Variants in ADGRL2 observed in about 807,000 individuals in gnomAD.
The protein encoded by ADGRL2 is calcium-independent alpha-latrotoxin receptor 2.
ADGRL2 carries 44 observed loss-of-function variants against 157.4 expected under a neutral mutation model. The observed-to-expected ratio is 0.28, with a 90% CI of 0.22 to 0.36. ADGRL2 has a LOEUF of 0.36. Among genes scored for constraint, ADGRL2 ranks in the 10% least tolerant of loss-of-function variants. The pLI is 1.00. For missense variants in ADGRL2, 1,510 were observed against 1,768.9 expected (o/e 0.85, Z 2.63); for synonymous variants, 585 against 624.7 (o/e 0.94, Z 0.95).
At chr1:81,798,011 A>T (rs1278516050), upstream of ADGRL2, among the ~76,000 whole-genome samples, 2 of 152,192 alleles carry the variant, frequency 1.3e-5, no homozygotes, top group Non-Finnish European at 2.9e-5. Flanking sequence ...ACTATTATGA[A>T]TAAGTCAATG....
Position 81,322,113 on chromosome 1 carries a change from CAT to C in ADGRL2, c.-302+15614_-302+15615del, listed in dbSNP as rs1345847160. Among the ~76,000 whole-genome samples, 11 of 112,118 alleles carry C rather than the reference CAT, an allele frequency of 9.8e-5. No homozygotes were observed. The East Asian group carries it at 2.0e-3, about 21-fold the overall frequency. The allele number at this position is 112,118 out of a possible 152,430, so 73.6% of individuals were successfully genotyped here. A position where few individuals can be genotyped will look rare whatever the true frequency, so the allele number is the denominator to read the frequency against. On this transcript the variant is annotated intron_variant, in intron 1 of 24. Transcript: ENST00000370721. The stretch of plus-strand genomic sequence containing the variant: ...ATATATATATATATATATATATACA[CAT>C]ATATATATACACACACACACGTACA...
intron 1 of ADGRL2, among the ~76,000 whole-genome samples, chr1:81,424,153 G>A (rs1421815603): frequency 6.6e-6 from 1 of 152,112 alleles, no homozygotes; most frequent in Non-Finnish European, 1.5e-5. Context: ...ACACACCAAC[G>A]TTTATGGAAA....
Position 81,442,657 on chromosome 1 carries a change from G to A in ADGRL2, c.-301-2379G>A, listed in dbSNP as rs116565774. On this transcript the variant is annotated intron_variant, in intron 1 of 24. Transcript: ENST00000370721. ...CCCTCACAGTAAAACATGGTACTCG[G>A]GAGCAAAATTCAGTATCAGTCAGAT... is the stretch of plus-strand genomic sequence containing the variant. Among the ~76,000 whole-genome samples the A allele has an allele frequency of 3.1e-3, 466 of 152,228 alleles. 3 individuals are homozygous for A. Among genetic ancestry groups the A allele is most frequent in the African/African-American group, 0.01 (436 of 41,542 alleles).
chr1:81,977,584 T>C (rs944930004), intron 17 of ADGRL2, among the ~76,000 whole-genome samples: 5 of 151,808 alleles, frequency 3.3e-5, no homozygotes, highest in African/African-American at 1.2e-4. Context: ...ACTCCTCTTC[T>C]TTTTGCAATA....
At chr1:81,635,365 G>T (rs1392525624) in intron 3 of ADGRL2, among the ~76,000 whole-genome samples, 1 of 152,168 alleles carries the variant, frequency 6.6e-6, no homozygotes, top group Non-Finnish European at 1.5e-5. Context: ...TCTAGCTTTT[G>T]CAGGTGCTCT....
rs1020239031 is a variant in ADGRL2 at position 81,993,813 on chromosome 1, C to G, written c.*2668C>G. ...AGTTTTCACATTCTTGATTGTTTCT[C>G]TTTGTGATAGTCACAACTGTGAACT... On this transcript the variant is annotated 3_prime_UTR_variant, in exon 24 of 24. Coordinates refer to ENST00000686636, the MANE Select transcript of ADGRL2 (RefSeq NM_001366006.2). Among the ~76,000 whole-genome samples the G allele has an allele frequency of 6.6e-6, 1 of 152,070 alleles. No homozygotes were observed. Among genetic ancestry groups the G allele is most frequent in the Non-Finnish European group, 1.5e-5 (1 of 68,024 alleles).
chr1:81,486,428 T>C lies in ADGRL2; in HGVS notation c.-248+41339T>C, dbSNP rs529543015. 8.4e-4 allele frequency among the ~76,000 whole-genome samples: 128 copies of C among 152,194 alleles called. 1 individual carries two copies. The highest frequency in any genetic ancestry group is 1.6e-3 in the Non-Finnish European group (109 of 68,034). On this transcript the variant is annotated intron_variant, in intron 2 of 24. Transcript: ENST00000370721. ...CAATCCAAAAGAGAATAGCAAAGCATTGACATCTTTGTACTAACTACTTTG... is the reference window on the plus strand; with the variant it reads ...CAATCCAAAAGAGAATAGCAAAGCACTGACATCTTTGTACTAACTACTTTG...
At chr1:81,984,249 A>G (rs867486587) in intron 19 of ADGRL2, 5 of 160,030 alleles carry the variant, frequency 3.1e-5, no homozygotes, top group Non-Finnish European at 5.4e-5. Flanking sequence ...TAGCATAAAA[A>G]ATTGGAGTTA....
intron 2 of ADGRL2, among the ~76,000 whole-genome samples, chr1:81,519,716 C>T (rs1038804244): frequency 2.0e-5 from 3 of 152,170 alleles, no homozygotes; most frequent in South Asian, 2.1e-4. Flanking sequence ...CACCCCATTA[C>T]ACAGATAATG....
At chr1:81,638,818 C>T (rs2082162179) in intron 3 of ADGRL2, among the ~76,000 whole-genome samples, 1 of 152,172 alleles carries the variant, frequency 6.6e-6, no homozygotes, top group South Asian at 2.1e-4. Flanking sequence ...AACCTGAGCA[C>T]ATAGCGAAAC....
In ADGRL2 at chr1:81,356,646, A is replaced by G. The variant is rs534412178; in HGVS notation, c.-302+50137A>G. Among the ~76,000 whole-genome samples the G allele has an allele frequency of 2.6e-5, 4 of 152,276 alleles. No homozygotes were observed. In the South Asian group the frequency reaches 8.3e-4, roughly 32 times the overall value. ...CAGTGGGATGTTTCTGTTTGTCTTC[A>G]GGAGAGCATTAAGAAGTTTCTTTTT... On this transcript the variant is annotated intron_variant, in intron 1 of 24. Transcript: ENST00000370721.
chr1:81,936,935 A>G (rs2095319223), intron 4 of ADGRL2, 98 bp downstream of exon 4: 3 of 743,538 alleles, frequency 4.0e-6, no homozygotes, highest in Non-Finnish European at 7.2e-6. Flanking sequence ...TATGGCCTAC[A>G]AAACCATTAT....
chr1:81,678,348 TA>T (rs2083038760), intron 3 of ADGRL2, among the ~76,000 whole-genome samples: 2 of 152,238 alleles, frequency 1.3e-5, no homozygotes, highest in South Asian at 4.1e-4. Context: ...AGTGGCCTTT[TA>T]TTTTTATAGT....
intron 1 of ADGRL2, among the ~76,000 whole-genome samples, chr1:81,356,952 C>CAAAAAAAAAAAAAAAAAAAAAAAAAA (rs757239865): frequency 5.4e-4 from 30 of 55,668 alleles, no homozygotes; most frequent in African/African-American, 1.8e-3. Context: ...GACTCCGTCT[C>CAAAAAAAAAAAAAAAAAAAAAAAAAA]AAAAAAAAAA....
chr1:81,467,264 C>T (rs192105302), intron 2 of ADGRL2, among the ~76,000 whole-genome samples: 7 of 152,174 alleles, frequency 4.6e-5, no homozygotes, highest in African/African-American at 1.7e-4. Context: ...GAAATATCTT[C>T]CTTGTGGATG....
intron 11 of ADGRL2, among the ~76,000 whole-genome samples, chr1:81,963,008 T>C (rs1655928132): frequency 6.6e-6 from 1 of 152,108 alleles, no homozygotes; most frequent in Non-Finnish European, 1.5e-5. Flanking sequence ...TAGATTGATT[T>C]TGAAAGAGGT....
chr1:81,846,984 G>T (rs1262842250), intron 2 of ADGRL2, among the ~76,000 whole-genome samples: 1 of 122,578 alleles, frequency 8.2e-6, no homozygotes, highest in Non-Finnish European at 1.9e-5. Flanking sequence ...AAAGTGTTTT[G>T]TTGTTTTTTT....
At chr1:81,707,036 A>C (rs1257394614) in intron 1 of ADGRL2, among the ~76,000 whole-genome samples, 1 of 152,172 alleles carries the variant, frequency 6.6e-6, no homozygotes, top group Non-Finnish European at 1.5e-5. Flanking sequence ...GGACTACCTC[A>C]AAGGGTGAGG....
At chr1:81,510,327 A>G (rs1274365653) in intron 2 of ADGRL2, among the ~76,000 whole-genome samples, 5 of 152,190 alleles carry the variant, frequency 3.3e-5, no homozygotes, top group African/African-American at 1.2e-4. Context: ...TCAGTGGCCC[A>G]ATTTTGAGAA....
Sources: allele counts gnomAD v4.1 joint callset (sites outside exome capture counted in the v4.1 genomes callset), GRCh38; gene constraint gnomAD v4.1.1; transcripts MANE v1.5; gene names NCBI Gene and HGNC (gene_info 2026-07-23, HGNC 2026-07-21).